KLHL29: variants seen among roughly 807,000 people sequenced by gnomAD.
KLHL29 encodes the protein kelch like family member 29, also known as kelch-like protein 29.
A neutral mutation model predicts 80.4 loss-of-function variants in KLHL29; 21 were observed. That is an observed-to-expected ratio of 0.26 (90% confidence interval 0.19 to 0.38). KLHL29 has a LOEUF of 0.38. KLHL29 is among the 10% of genes least tolerant of loss of function. The probability of loss-of-function intolerance (pLI) is 1.00; values close to 1 mark genes in which losing one functional copy is unlikely to be tolerated. For missense variants in KLHL29, 867 were observed against 1,223.9 expected, an observed-to-expected ratio of 0.71 and a Z score of 4.35; for synonymous variants, 511 against 526.8, an observed-to-expected ratio of 0.97 and a Z score of 0.41.
chr2:23,572,551 G>A (rs1363749300), intron 3 of KLHL29, among the ~76,000 whole-genome samples: 2 of 152,124 alleles, frequency 1.3e-5, no homozygotes, highest in African/African-American at 4.8e-5. Flanking sequence ...ATGTGTTTGA[G>A]GACAGAATGA....
In KLHL29 at chr2:23,639,224, C is replaced by T; in HGVS notation, c.371C>T (p.Thr124Ile). 2 of 1,548,914 alleles carry T rather than the reference C, an allele frequency of 1.3e-6. No homozygotes were observed. Among genetic ancestry groups the T allele is most frequent in the Non-Finnish European group, 1.7e-6 (2 of 1,145,758 alleles). Reference protein sequence around the residue: ...RWGQTPINQSTPWDTDEPPSK... With the variant: ...RWGQTPINQSIPWDTDEPPSK... ...GGGCAGACGCCTATCAATCAGTCCA[C>T]ACCCTGGGACACTGATGAGCCACCC... Residue 124 changes from threonine to isoleucine, a missense_variant, in exon 4 of 14, where the codon ACA becomes ATA. Thr to Ile is a moderately conservative substitution (Grantham distance 89). Around this residue, in one of 2 missense-constraint regions of KLHL29, gnomAD observed 424 missense variants for 456.9 expected, o/e 0.93. Coordinates refer to ENST00000486442, the MANE Select transcript of KLHL29 (RefSeq NM_052920.2).
intron 2 of KLHL29, among the ~76,000 whole-genome samples, chr2:23,489,209 G>A (rs935879209): frequency 2.0e-5 from 3 of 152,140 alleles, no homozygotes; most frequent in African/African-American, 7.2e-5. Flanking sequence ...CACTTGGAAG[G>A]TGCCCTCCTG....
intron 1 of KLHL29, among the ~76,000 whole-genome samples, chr2:23,453,260 A>T (rs1421816530): frequency 2.0e-5 from 3 of 152,144 alleles, no homozygotes; most frequent in Non-Finnish European, 4.4e-5. Flanking sequence ...ATGTAACCAC[A>T]CCGTAGCTCA....
intron 2 of KLHL29, among the ~76,000 whole-genome samples, chr2:23,543,341 G>A (rs550198156): frequency 2.0e-5 from 3 of 152,212 alleles, no homozygotes; most frequent in Non-Finnish European, 4.4e-5. Flanking sequence ...GGGCAGCGCC[G>A]GCGACCTCTG....
rs1666211782 is a variant in KLHL29, at chr2:23,387,415, T to C, written c.-154+1635T>C. 2.0e-5 allele frequency among the ~76,000 whole-genome samples: 3 copies of C among 152,208 alleles called. No homozygotes were observed. In the South Asian group the frequency reaches 6.2e-4, roughly 32 times the overall value. On this transcript the variant is annotated intron_variant, in intron 1 of 13. Transcript: ENST00000486442. ...GAGTTTCTTCCTCGCCGTGTGGTCTTATCACTAACTCAGCCCTGGGAGGGC... is the reference window on the plus strand; with the variant it reads ...GAGTTTCTTCCTCGCCGTGTGGTCTCATCACTAACTCAGCCCTGGGAGGGC...
chr2:23,521,128 GC>G (rs1422843820), intron 2 of KLHL29, among the ~76,000 whole-genome samples: 2 of 151,962 alleles, frequency 1.3e-5, no homozygotes, highest in Non-Finnish European at 2.9e-5. Context: ...CCGTCTATCT[GC>G]CCCCTGCCTG....
chr2:23,614,302 G>T (rs1359760280), intron 3 of KLHL29, among the ~76,000 whole-genome samples: 5 of 152,164 alleles, frequency 3.3e-5, no homozygotes, highest in Non-Finnish European at 7.3e-5. Flanking sequence ...ACCTCCTGAG[G>T]CCGTGTCACT....
chr2:23,403,711 A>AAG (rs370645378), intron 1 of KLHL29, among the ~76,000 whole-genome samples: 46,572 of 139,196 alleles, frequency 0.33, 8,633 homozygotes, highest in South Asian at 0.44. Context: ...ATGAAACCCA[A>AAG]AGAGAGAGAG....
At chr2:23,542,691 C>T (rs867443317) in intron 2 of KLHL29, among the ~76,000 whole-genome samples, 46 of 152,220 alleles carry the variant, frequency 3.0e-4, no homozygotes, top group Non-Finnish European at 6.6e-4. Flanking sequence ...ATCGTTCTTG[C>T]AGAGGAGGGG....
At chr2:23,417,524 G>C (rs1041158750) in intron 1 of KLHL29, among the ~76,000 whole-genome samples, 1 of 152,190 alleles carries the variant, frequency 6.6e-6, no homozygotes, top group Non-Finnish European at 1.5e-5. Context: ...CATGCAGTAC[G>C]CACTGCGCGA....
chr2:23,406,545 A>G (rs1367698059), intron 1 of KLHL29, among the ~76,000 whole-genome samples: 2 of 152,122 alleles, frequency 1.3e-5, no homozygotes, highest in Non-Finnish European at 1.5e-5. Flanking sequence ...GGATGGCTTC[A>G]TTTATCCCAT....
chr2:23,698,675 G>A (rs1392747149), intron 11 of KLHL29, among the ~76,000 whole-genome samples: 1 of 152,070 alleles, frequency 6.6e-6, no homozygotes, highest in African/African-American at 2.4e-5. Flanking sequence ...ATAAATAACC[G>A]GGTCTAATAT....
intron 1 of KLHL29, among the ~76,000 whole-genome samples, chr2:23,388,234 G>A (rs1475041601): frequency 1.3e-5 from 2 of 152,148 alleles, no homozygotes; most frequent in African/African-American, 2.4e-5. Context: ...TTTGTGGGAG[G>A]TTTATTGAAA....
chr2:23,659,184 G>A (rs1275344688), intron 5 of KLHL29, among the ~76,000 whole-genome samples: 5 of 150,590 alleles, frequency 3.3e-5, no homozygotes, highest in East Asian at 1.9e-4. Flanking sequence ...TAGGATGTGC[G>A]GGAGCTGAAT....
chr2:23,661,774 A>G (rs1376656337), intron 5 of KLHL29, among the ~76,000 whole-genome samples: 2 of 152,200 alleles, frequency 1.3e-5, no homozygotes, highest in Admixed American at 6.5e-5. Context: ...CTGAAAAGCT[A>G]TTTGCTGGGA....
chr2:23,635,984 A>G (rs538274035), intron 3 of KLHL29, among the ~76,000 whole-genome samples: 3 of 152,324 alleles, frequency 2.0e-5, no homozygotes, highest in South Asian at 2.1e-4. Context: ...ACCAGGAGGC[A>G]TGGAAATCAG....
chr2:23,548,118 C>T (rs1709306), intron 2 of KLHL29, among the ~76,000 whole-genome samples: 75,958 of 152,008 alleles, frequency 0.5, 21,540 homozygotes, highest in East Asian at 0.89. Context: ...GCAGGCAGGC[C>T]GTGGCTTCAA....
At chr2:23,490,277 G>T (rs545679313) in intron 2 of KLHL29, among the ~76,000 whole-genome samples, 2 of 151,978 alleles carry the variant, frequency 1.3e-5, no homozygotes, top group Non-Finnish European at 2.9e-5. Flanking sequence ...AGTTGGGTTG[G>T]TGGTTAAAAA....
At chr2:23,478,442 C>G (rs553206085) in intron 2 of KLHL29, among the ~76,000 whole-genome samples, 1 of 152,274 alleles carries the variant, frequency 6.6e-6, no homozygotes, top group East Asian at 1.9e-4. Context: ...CCTGTGTAAC[C>G]TGCTACAAAA....
Sources: allele counts gnomAD v4.1 joint callset (sites outside exome capture counted in the v4.1 genomes callset), GRCh38; gene constraint gnomAD v4.1.1; regional missense constraint gnomAD v4.1.1; transcripts MANE v1.5; gene names NCBI Gene and HGNC (gene_info 2026-07-23, HGNC 2026-07-21).